Variants in SLC12A6 observed in about 807,000 individuals in gnomAD.
SLC12A6 encodes the protein solute carrier family 12 member 6, also known as K-Cl cotransporter 3.
Under a neutral mutation model 135.3 loss-of-function variants are expected in SLC12A6, and 66 were observed. The ratio of observed to expected loss-of-function variants is 0.49; its 90% CI spans 0.40 to 0.60. SLC12A6 has a LOEUF of 0.60. SLC12A6 is among the 20% of genes least tolerant of loss of function. The probability of loss-of-function intolerance (pLI) is 0.00; values close to 1 mark genes in which losing one functional copy is unlikely to be tolerated. For synonymous variants in SLC12A6, 513 were observed against 508.8 expected (o/e 1.01, Z -0.11); for missense variants, 1,058 against 1,452.3 (o/e 0.73, Z 4.41).
intron 15 of SLC12A6, 98 bp from the exon 16 acceptor site, chr15:34,244,170 G>A: frequency 1.3e-6 from 1 of 781,420 alleles, no homozygotes; most frequent in South Asian, 1.4e-5. Flanking sequence ...CCTGTTTCTA[G>A]ACAACTAACC....
At chr15:34,270,245 G>A (rs1201491914) in intron 3 of SLC12A6, among the ~76,000 whole-genome samples, 2 of 151,674 alleles carry the variant, frequency 1.3e-5, no homozygotes, top group African/African-American at 4.9e-5. Flanking sequence ...GTGCCACCAT[G>A]CCAGGCTAAT....
At chr15:34,235,430 G>GTT in intron 24 of SLC12A6, 116 bp from the exon 25 acceptor site, 2 of 539,792 alleles carry the variant, frequency 3.7e-6, no homozygotes, top group Non-Finnish European at 6.2e-6. Flanking sequence ...CTGATAAAAT[G>GTT]ATTTTTTTTT....
At position 34,272,135 on chromosome 15, in the gene SLC12A6, C is replaced by T. The variant is rs182292855; in HGVS notation, c.316+3210G>A. On this transcript the variant is annotated intron_variant, in intron 3 of 25. Coordinates refer to ENST00000354181, the MANE Select transcript of SLC12A6 (RefSeq NM_001365088.1). ...GACTACAGGCACCCGCCACCATGCC[C>T]GGCCAATTTTTTTTAAGTAGACATG... Among the ~76,000 whole-genome samples the T allele has an allele frequency of 2.2e-4, 34 of 152,074 alleles. No homozygotes were observed. The East Asian group carries it at 3.1e-3, about 14-fold the overall frequency.
At position 34,288,630 on chromosome 15, in the gene SLC12A6, T is replaced by C. The variant is rs1475260704; in HGVS notation, c.272-13241A>G. On this transcript the variant is annotated intron_variant, in intron 2 of 25. Coordinates refer to ENST00000354181, the MANE Select transcript of SLC12A6 (RefSeq NM_001365088.1). ...CCTACCCATGAGCATAGAATGTTTT[T>C]CCATTTGATTGTGTCCCCTCTTATT... Among the ~76,000 whole-genome samples, 5 of 152,358 alleles carry C rather than the reference T, an allele frequency of 3.3e-5. No individual in the cohort carries two copies. The East Asian group carries it at 7.7e-4, about 23-fold the overall frequency.
At chr15:34,321,591 A>G (rs191642184) in intron 2 of SLC12A6, among the ~76,000 whole-genome samples, 1 of 152,336 alleles carries the variant, frequency 6.6e-6, no homozygotes, top group East Asian at 1.9e-4. Context: ...ACTTTCCCCT[A>G]TAATCTGGCA....
intron 2 of SLC12A6, among the ~76,000 whole-genome samples, chr15:34,277,782 A>G (rs967246948): frequency 1.5e-4 from 23 of 152,212 alleles, no homozygotes; most frequent in Non-Finnish European, 3.1e-4. Context: ...ACTAATATGA[A>G]TACCTTGTAT....
intron 2 of SLC12A6, among the ~76,000 whole-genome samples, chr15:34,333,316 G>A (rs1406498014): frequency 6.8e-6 from 1 of 147,846 alleles, no homozygotes; most frequent in Non-Finnish European, 1.5e-5. Flanking sequence ...TGCAACCTCC[G>A]CCTCCTGGAT....
intron 13 of SLC12A6, among the ~76,000 whole-genome samples, chr15:34,248,745 A>G (rs4780234): frequency 0.17 from 25,467 of 152,116 alleles, 2,217 homozygotes; most frequent in East Asian, 0.31. Context: ...CATAAATGCT[A>G]TAATATAGTA....
chr15:34,303,474 C>A lies in SLC12A6; in HGVS notation c.272-28085G>T, dbSNP rs547640681. 3.3e-5 allele frequency among the ~76,000 whole-genome samples: 5 copies of A among 151,974 alleles called. No homozygotes were observed. In the South Asian group the frequency reaches 1.0e-3, roughly 32 times the overall value. On this transcript the variant is annotated intron_variant, in intron 2 of 25. Transcript: ENST00000354181. The stretch of plus-strand genomic sequence containing the variant: ...TGCCTTTTTTTCATTGAGCCTAATG[C>A]CTTGCAGATTCATGCAAGCTGCTGT...
intron 25 of SLC12A6, among the ~76,000 whole-genome samples, chr15:34,234,885 G>A (rs1456135467): frequency 1.3e-5 from 2 of 152,176 alleles, no homozygotes; most frequent in African/African-American, 2.4e-5. Context: ...CTAAAAAGGC[G>A]AAAGGATGTG....
chr15:34,285,263 A>C (rs1595498144), intron 2 of SLC12A6, among the ~76,000 whole-genome samples: 1 of 152,254 alleles, frequency 6.6e-6, no homozygotes, highest in East Asian at 1.9e-4. Context: ...AGTATGGATC[A>C]GATCAGAAAT....
chr15:34,255,286 G>A lies in SLC12A6; in HGVS notation c.852C>T (p.Ile284=), dbSNP rs1467033571. ...LGTTFAAAMY[I]LGAIEIFLVY... is the part of the protein sequence containing the mutation. ...CCAGAAAGATTTCAATGGCACCAAG[G>A]ATGTACATGGCTGCTGCAAATGTGG... Residue 284 remains isoleucine, a synonymous_variant, in exon 8 of 26, where the codon ATC becomes ATT. Coordinates refer to ENST00000354181, the MANE Select transcript of SLC12A6 (RefSeq NM_001365088.1). 7.5e-6 allele frequency: 12 copies of A among 1,609,682 alleles called. No homozygotes were observed. Among genetic ancestry groups the A allele is most frequent in the Non-Finnish European group, 1.0e-5 (12 of 1,176,074 alleles).
At chr15:34,241,111 C>T (rs774614945) in intron 18 of SLC12A6, 122 bp downstream of exon 18, 5 of 720,364 alleles carry the variant, frequency 6.9e-6, no homozygotes, top group Admixed American at 4.1e-5. Flanking sequence ...TAGAATAGTT[C>T]AAAACAGGTC....
intron 3 of SLC12A6, among the ~76,000 whole-genome samples, chr15:34,275,122 T>C (rs1472120996): frequency 6.6e-6 from 1 of 152,170 alleles, no homozygotes; most frequent in African/African-American, 2.4e-5. Context: ...CCATAAACCA[T>C]GCAAAATTAC....
chr15:34,320,826 A>T (rs563283007), intron 2 of SLC12A6, among the ~76,000 whole-genome samples: 1 of 151,980 alleles, frequency 6.6e-6, no homozygotes, highest in Non-Finnish European at 1.5e-5. Flanking sequence ...GGAGAATGGC[A>T]TGAACCTGGA....
intron 3 of SLC12A6, among the ~76,000 whole-genome samples, chr15:34,261,233 G>A (rs1315278251): frequency 1.3e-5 from 2 of 152,160 alleles, no homozygotes; most frequent in East Asian, 3.9e-4. Context: ...GTAAACATGG[G>A]TCATTCCTTT....
At position 34,252,394 on chromosome 15, in the gene SLC12A6, A is replaced by C; in HGVS notation, c.1119-10T>G. On this transcript the variant is annotated splice_polypyrimidine_tract_variant and intron_variant, in intron 9 of 25. Coordinates refer to ENST00000354181, the MANE Select transcript of SLC12A6 (RefSeq NM_001365088.1). The stretch of plus-strand genomic sequence containing the variant: ...ACCCAGCATGCAGACCCTAAGTGAA[A>C]AGAAATAGGGAGAAAGATCAAGTAA... 6.6e-7 allele frequency: 1 copy of C among 1,510,692 alleles called. No individual in the cohort carries two copies. The highest frequency in any genetic ancestry group is 9.2e-7 in the Non-Finnish European group (1 of 1,085,582). The allele number at this position is 1,510,692 out of a possible 1,614,324, so 93.6% of individuals were successfully genotyped here.
chr15:34,265,020 C>T (rs796512810), intron 3 of SLC12A6, among the ~76,000 whole-genome samples: 2 of 152,082 alleles, frequency 1.3e-5, no homozygotes, highest in South Asian at 2.1e-4. Context: ...CACGGTGAAA[C>T]CCTGTCTCTA....
At chr15:34,245,199 T>C in intron 15 of SLC12A6, 86 bp downstream of exon 15, 1 of 825,062 alleles carries the variant, frequency 1.2e-6, no homozygotes, top group Non-Finnish European at 2.2e-6. Flanking sequence ...CACTCTGTTA[T>C]CACTACTGTT....
Sources: allele counts gnomAD v4.1 joint callset (sites outside exome capture counted in the v4.1 genomes callset), GRCh38; gene constraint gnomAD v4.1.1; transcripts MANE v1.5; gene names NCBI Gene and HGNC (gene_info 2026-07-23, HGNC 2026-07-21).